Variants in TOGARAM1 observed in about 807,000 individuals in gnomAD.
TOGARAM1 encodes the protein TOG array regulator of axonemal microtubules protein 1.
Under a neutral mutation model 166.6 loss-of-function variants are expected in TOGARAM1, and 100 were observed. That is an observed-to-expected ratio of 0.60 (90% CI 0.51 to 0.71). The LOEUF is 0.71. TOGARAM1 is among the 30% of genes least tolerant of loss of function. The pLI is 0.00. For missense variants in TOGARAM1, 2,029 were observed against 2,102.7 expected (o/e 0.96, Z 0.69); for synonymous variants, 758 against 763.8 (o/e 0.99, Z 0.13).
intron 11 of TOGARAM1, among the ~76,000 whole-genome samples, chr14:45,040,599 A>G (rs1881677140): frequency 6.6e-6 from 1 of 152,232 alleles, no homozygotes; most frequent in Non-Finnish European, 1.5e-5. Context: ...AGAATGAGAG[A>G]AGAAACATCA....
intron 17 of TOGARAM1, among the ~76,000 whole-genome samples, chr14:45,067,478 AAAT>A (rs1289289057): frequency 6.6e-6 from 1 of 152,136 alleles, no homozygotes; most frequent in African/African-American, 2.4e-5. Flanking sequence ...AAATATTAAT[AAAT>A]ATTCATCATG....
At chr14:45,021,774 CCAGGG>C (rs1566641133) in intron 7 of TOGARAM1, among the ~76,000 whole-genome samples, 2 of 152,082 alleles carry the variant, frequency 1.3e-5, no homozygotes, top group Non-Finnish European at 2.9e-5. Flanking sequence ...TACCATGTCA[CCAGGG>C]TGGAATAATT....
At chr14:45,042,217 C>A (rs1280660171) in intron 11 of TOGARAM1, 1 of 152,188 alleles carries the variant, frequency 6.6e-6, no homozygotes, top group African/African-American at 2.4e-5. Context: ...ATTATTACTC[C>A]ATCTCATATA....
In TOGARAM1 at chr14:45,030,041, C is replaced by T. The variant is rs192860349; in HGVS notation, c.3658+1712C>T. Among the ~76,000 whole-genome samples, 324 of 152,034 alleles carry T rather than the reference C, an allele frequency of 2.1e-3. 5 individuals are homozygous for T. The highest frequency in any genetic ancestry group is 6.8e-3 in the African/African-American group (281 of 41,470). ...TTCACCATGTTGGACAGGCTGGTCT[C>T]GAACTCCTGACCTCGTGATCTGCTC... is the stretch of plus-strand genomic sequence containing the variant. On this transcript the variant is annotated intron_variant, in intron 10 of 19. Coordinates refer to ENST00000361462, the MANE Select transcript of TOGARAM1 (RefSeq NM_001308120.2).
intron 1 of TOGARAM1, among the ~76,000 whole-genome samples, chr14:44,975,382 G>A (rs1886122035): frequency 6.6e-6 from 1 of 152,148 alleles, no homozygotes; most frequent in Admixed American, 6.6e-5. Context: ...TTGAAGGGCA[G>A]TGTGCATCTT....
chr14:44,984,704 G>A (rs1290775188), intron 1 of TOGARAM1, among the ~76,000 whole-genome samples: 1 of 151,860 alleles, frequency 6.6e-6, no homozygotes, highest in East Asian at 1.9e-4. Flanking sequence ...GAGCCCAGGA[G>A]TTCAGGTGTG....
intron 13 of TOGARAM1, among the ~76,000 whole-genome samples, chr14:45,045,139 A>G (rs1268547567): frequency 6.6e-6 from 1 of 152,104 alleles, no homozygotes; most frequent in Non-Finnish European, 1.5e-5. Context: ...ATTTGGCTTT[A>G]GGAGCCTTAC....
At position 45,073,555 on chromosome 14, in the gene TOGARAM1, A is replaced by G; in HGVS notation, c.5316A>G (p.Glu1772=). The G allele has an allele frequency of 6.2e-7, 1 of 1,611,830 alleles. No homozygotes were observed. The highest frequency in any genetic ancestry group is 1.1e-5 in the South Asian group (1 of 90,724). ...TACTCGATATGACAATTTTAAATGA[A>G]TTATGAATCTTCGATAAAATACTGT... ...EELLDMTILN[E]L is the part of the protein sequence containing the mutation. The change falls in exon 20 of 20, where the codon GAA becomes GAG. Residue 1772 remains glutamate, a synonymous_variant. Transcript: ENST00000361462.
At chr14:44,982,715 C>A (rs991597911) in intron 1 of TOGARAM1, among the ~76,000 whole-genome samples, 1 of 152,158 alleles carries the variant, frequency 6.6e-6, no homozygotes, top group Non-Finnish European at 1.5e-5. Context: ...TCTTTTTAAT[C>A]ATCTAATTTG....
chr14:45,006,387 C>G lies in TOGARAM1; in HGVS notation c.2904+120C>G, dbSNP rs533455627. Reference sequence around the variant, plus strand: ...AATATCTTATTTCTAAAAATATGTTCATTATAGAAAATGTGGAAAATACCA... The same window carrying G: ...AATATCTTATTTCTAAAAATATGTTGATTATAGAAAATGTGGAAAATACCA... On this transcript the variant is annotated intron_variant, in intron 5 of 19. Transcript: ENST00000361462. 9 of 722,214 alleles carry G rather than the reference C, an allele frequency of 1.2e-5. No individual in the cohort carries two copies. The South Asian group carries it at 1.7e-4, about 14-fold the overall frequency. The allele number at this position is 722,214 out of a possible 1,614,324, so 44.7% of individuals were successfully genotyped here.
chr14:45,004,857 G>T (rs1165971658), intron 4 of TOGARAM1, among the ~76,000 whole-genome samples: 1 of 152,036 alleles, frequency 6.6e-6, no homozygotes, highest in Non-Finnish European at 1.5e-5. Context: ...TATGCTTATT[G>T]CAATTAATGC....
At chr14:45,068,761 A>G (rs958814298) in intron 18 of TOGARAM1, 118 bp downstream of exon 18, 1 of 668,922 alleles carries the variant, frequency 1.5e-6, no homozygotes, top group Non-Finnish European at 2.3e-6. Context: ...TAAACTTAAT[A>G]TTATCATAAA....
intron 6 of TOGARAM1, among the ~76,000 whole-genome samples, chr14:45,011,653 T>G (rs549784502): frequency 1.3e-5 from 2 of 152,240 alleles, no homozygotes; most frequent in African/African-American, 4.8e-5. Context: ...ATCATTTTTT[T>G]TTTTCCTTAG....
At position 44,971,239 on chromosome 14, in the gene TOGARAM1, C is replaced by G. The variant is rs181715347; in HGVS notation, c.2046+6772C>G. The stretch of plus-strand genomic sequence containing the variant: ...TAATTATTCAGTTTCTTTACAGATA[C>G]AGGCCTAGTCAGATTATCCATATCT... On this transcript the variant is annotated intron_variant, in intron 1 of 19. Transcript: ENST00000361462. 1.9e-3 allele frequency among the ~76,000 whole-genome samples: 284 copies of G among 152,268 alleles called. 2 individuals are homozygous for G. Among genetic ancestry groups the G allele is most frequent in the African/African-American group, 6.4e-3 (267 of 41,576 alleles).
Position 45,003,370 on chromosome 14 carries a change from A to T in TOGARAM1, c.2339-691A>T, listed in dbSNP as rs78938866. On this transcript the variant is annotated intron_variant, in intron 3 of 19. Transcript: ENST00000361462. ...AGACTTTTTATATTCGTTGAAGAAT[A>T]AAAAGATCAATAAAAGGCAAGGAAG... Among the ~76,000 whole-genome samples, 23 of 152,268 alleles carry T rather than the reference A, an allele frequency of 1.5e-4. No homozygotes were observed. In the East Asian group the frequency reaches 4.4e-3, roughly 29 times the overall value.
At chr14:45,029,922 A>G (rs1353959889) in intron 10 of TOGARAM1, among the ~76,000 whole-genome samples, 1 of 152,096 alleles carries the variant, frequency 6.6e-6, no homozygotes, top group East Asian at 1.9e-4. Flanking sequence ...CTTCGGTTCA[A>G]GCGATTCTTC....
intron 1 of TOGARAM1, among the ~76,000 whole-genome samples, chr14:44,968,765 A>G (rs1247517296): frequency 1.3e-5 from 2 of 152,180 alleles, no homozygotes; most frequent in East Asian, 3.9e-4. Context: ...TGTACATTCT[A>G]TGGGATTTTG....
intron 1 of TOGARAM1, among the ~76,000 whole-genome samples, chr14:44,986,463 A>C (rs2415882): frequency 6.6e-6 from 1 of 151,784 alleles, no homozygotes; most frequent in Non-Finnish European, 1.5e-5. Flanking sequence ...CTAATTTTTT[A>C]ATTTTTCATA....
intron 4 of TOGARAM1, 40 bp from the exon 5 acceptor site, chr14:45,005,968 A>G (rs765540432): frequency 3.3e-6 from 5 of 1,503,088 alleles, no homozygotes; most frequent in African/African-American, 1.4e-5. Context: ...CTTCTCTAAA[A>G]TTAGAAAAAG....
Sources: allele counts gnomAD v4.1 joint callset (sites outside exome capture counted in the v4.1 genomes callset), GRCh38; gene constraint gnomAD v4.1.1; transcripts MANE v1.5; gene names NCBI Gene and HGNC (gene_info 2026-07-23, HGNC 2026-07-21).